The following ADCY3 variants were observed in gnomAD, a reference collection of about 807,000 sequenced individuals.
ADCY3 encodes adenylate cyclase type 3.
In ADCY3, 70 loss-of-function variants were observed where a neutral mutation model predicts 119.4. That is an observed-to-expected ratio of 0.59 (90% CI 0.48 to 0.72). ADCY3 has a LOEUF of 0.72. Among genes scored for constraint, ADCY3 ranks in the 30% least tolerant of loss-of-function variants. The probability of loss-of-function intolerance (pLI) is 0.00; values close to 1 mark genes in which losing one functional copy is unlikely to be tolerated. For missense variants in ADCY3, 1,238 were observed against 1,541.6 expected (o/e 0.80, Z 3.30); for synonymous variants, 672 against 621.4 (o/e 1.08, Z -1.21).
chr2:24,821,807 A>C, intron 19 of ADCY3, 167 bp from the exon 20 acceptor site: 1 of 1,002,638 alleles, frequency 1.0e-6, no homozygotes, highest in Non-Finnish European at 1.4e-6. Context: ...CTGACTTGCC[A>C]CTGTGACAAA....
intron 2 of ADCY3, among the ~76,000 whole-genome samples, chr2:24,893,308 T>G (rs1167625130): frequency 6.6e-6 from 1 of 151,970 alleles, no homozygotes; most frequent in East Asian, 1.9e-4. Flanking sequence ...GAGGCAAGGG[T>G]TGCAGTGAGC....
chr2:24,835,424 G>A (rs1250688733), intron 9 of ADCY3, among the ~76,000 whole-genome samples: 2 of 152,198 alleles, frequency 1.3e-5, no homozygotes, highest in Non-Finnish European at 2.9e-5. Flanking sequence ...GAAAGTGATG[G>A]GAGAGAGAAG....
At chr2:24,835,648 C>A (rs1302892726) in intron 9 of ADCY3, among the ~76,000 whole-genome samples, 1 of 152,068 alleles carries the variant, frequency 6.6e-6, no homozygotes, top group African/African-American at 2.4e-5. Flanking sequence ...AGTCACGACT[C>A]CCTGGGGCCG....
chr2:24,822,878 G>A (rs767825755), intron 18 of ADCY3, among the ~76,000 whole-genome samples: 1 of 152,192 alleles, frequency 6.6e-6, no homozygotes, highest in Non-Finnish European at 1.5e-5. Flanking sequence ...CCGCGCGTGT[G>A]TAAAAGCATT....
At chr2:24,877,964 G>C (rs1258530115) in intron 2 of ADCY3, 3 of 471,216 alleles carry the variant, frequency 6.4e-6, no homozygotes, top group South Asian at 4.6e-5. Flanking sequence ...CACCACCAAA[G>C]TCACCTCTTC....
intron 3 of ADCY3, among the ~76,000 whole-genome samples, chr2:24,853,460 G>A (rs1481901801): frequency 6.7e-5 from 10 of 148,804 alleles, no homozygotes; most frequent in Admixed American, 4.0e-4. Flanking sequence ...ATTGAAACGC[G>A]CCTCATCTTT....
chr2:24,911,379 G>T (rs529741805), intron 2 of ADCY3, among the ~76,000 whole-genome samples: 1 of 151,424 alleles, frequency 6.6e-6, no homozygotes, highest in Non-Finnish European at 1.5e-5. Flanking sequence ...GGGCGCTGTG[G>T]TTCATGCCTG....
rs1229062147 is a variant in ADCY3 at position 24,826,131 on chromosome 2, T to TG, written c.2496-6dup. The TG allele has an allele frequency of 6.2e-7, 1 of 1,613,816 alleles. No homozygotes were observed. Among genetic ancestry groups the TG allele is most frequent in the East Asian group, 2.2e-5 (1 of 44,870 alleles). ...TTGGAAGGCACCAGGGGCAGCCTGCTGGGCAGAGCGTGTGCAACTGAAAGG... is the reference window on the plus strand; with the variant it reads ...TTGGAAGGCACCAGGGGCAGCCTGCTGGGGCAGAGCGTGTGCAACTGAAAGG... On this transcript the variant is annotated splice_polypyrimidine_tract_variant and splice_region_variant and intron_variant, in intron 15 of 21. Transcript: ENST00000679454.
intron 2 of ADCY3, among the ~76,000 whole-genome samples, chr2:24,874,084 C>T (rs1342224952): frequency 6.6e-6 from 1 of 152,148 alleles, no homozygotes; most frequent in Non-Finnish European, 1.5e-5. Context: ...ATGCCATATT[C>T]CCTGAACTGT....
chr2:24,909,000 G>T (rs1208094733), intron 2 of ADCY3, among the ~76,000 whole-genome samples: 1 of 152,104 alleles, frequency 6.6e-6, no homozygotes, highest in Non-Finnish European at 1.5e-5. Context: ...ACAGTTTTAG[G>T]TGCCACTTAA....
intron 2 of ADCY3, among the ~76,000 whole-genome samples, chr2:24,880,684 C>T (rs904843128): frequency 7.9e-5 from 12 of 152,322 alleles, no homozygotes; most frequent in African/African-American, 2.4e-4. Flanking sequence ...TTCACTCCCC[C>T]GCAAAAGCAT....
chr2:24,873,269 G>A (rs1321004313), intron 2 of ADCY3, among the ~76,000 whole-genome samples: 1 of 152,192 alleles, frequency 6.6e-6, no homozygotes, highest in East Asian at 1.9e-4. Context: ...CAGTCACAAT[G>A]TTTACCTTAC....
chr2:24,852,180 C>T (rs1672382056), intron 3 of ADCY3, among the ~76,000 whole-genome samples: 1 of 152,142 alleles, frequency 6.6e-6, no homozygotes, highest in Non-Finnish European at 1.5e-5. Context: ...TCCTTCCTCA[C>T]AGAAACGGCC....
chr2:24,835,271 C>T (rs945274272), intron 9 of ADCY3, among the ~76,000 whole-genome samples: 1 of 152,210 alleles, frequency 6.6e-6, no homozygotes, highest in African/African-American at 2.4e-5. Flanking sequence ...TGGGCTGAGG[C>T]AGTCCTGGCA....
intron 2 of ADCY3, among the ~76,000 whole-genome samples, chr2:24,908,214 C>G (rs955487906): frequency 1.3e-5 from 2 of 151,294 alleles, no homozygotes; most frequent in Non-Finnish European, 2.9e-5. Context: ...CCCAGCTACT[C>G]GGGAAGGCTG....
chr2:24,861,611 G>A (rs767418014), intron 3 of ADCY3, among the ~76,000 whole-genome samples: 3 of 152,124 alleles, frequency 2.0e-5, no homozygotes, highest in Non-Finnish European at 4.4e-5. Context: ...AAAGTGAAAC[G>A]GGGTCATGCA....
intron 2 of ADCY3, chr2:24,877,836 T>C: frequency 2.1e-6 from 1 of 467,870 alleles, no homozygotes; most frequent in South Asian, 1.6e-5. Context: ...CAGCTGGCGC[T>C]CGAAGCCTTA....
chr2:24,834,553 C>T lies in ADCY3; in HGVS notation c.1899G>A (p.Gly633=), dbSNP rs946982350. 1 of 1,614,030 alleles carries T rather than the reference C, an allele frequency of 6.2e-7. No homozygotes were observed. Among genetic ancestry groups the T allele is most frequent in the Non-Finnish European group, 8.5e-7 (1 of 1,180,030 alleles). The change falls in exon 11 of 22, where the codon GGG becomes GGA. Residue 633 remains glycine (G), a synonymous_variant. Coordinates refer to ENST00000679454, the MANE Select transcript of ADCY3 (RefSeq NM_004036.5). This position sits in a 1 kb window ranked among gnomAD's most constrained non-coding sequence, Gnocchi z 4.2. The part of the protein sequence containing the change: ...RYSVEKEKQS[G]AAFSCSCVVL... ...CGACGCAGGAGCAGCTGAAGGCAGCCCCACTCTGCTTCTCCTTCTCCACCG... is the reference window on the plus strand; with the variant it reads ...CGACGCAGGAGCAGCTGAAGGCAGCTCCACTCTGCTTCTCCTTCTCCACCG...
chr2:24,820,209 C>T (rs1667361722), intron 21 of ADCY3, 95 bp from the exon 22 acceptor site: 3 of 1,253,808 alleles, frequency 2.4e-6, no homozygotes, highest in South Asian at 3.1e-5. Flanking sequence ...GAGCACTGAT[C>T]CATGGGTCCC....
Sources: allele counts gnomAD v4.1 joint callset (sites outside exome capture counted in the v4.1 genomes callset), GRCh38; gene constraint gnomAD v4.1.1; non-coding constraint Gnocchi (gnomAD v3.1); transcripts MANE v1.5; gene names NCBI Gene and HGNC (gene_info 2026-07-23, HGNC 2026-07-21).